The following DLGAP2 variants were observed in gnomAD, a reference collection of about 807,000 sequenced individuals.
DLGAP2 encodes the protein DLG associated protein 2.
In DLGAP2, 26 loss-of-function variants were observed where a neutral mutation model predicts 100.3. The observed-to-expected ratio is 0.26, with a 90% CI of 0.19 to 0.36. The LOEUF (loss-of-function observed/expected upper bound fraction) is 0.36. Among genes scored for constraint, DLGAP2 ranks in the 10% least tolerant of loss-of-function variants. The pLI is 1.00. For missense variants in DLGAP2, 1,858 were observed against 1,453.2 expected, an observed-to-expected ratio of 1.28 and a Z score of -4.53; for synonymous variants, 886 against 630.1, an observed-to-expected ratio of 1.41 and a Z score of -6.08.
chr8:1,421,759 T>C (rs1797092937), intron 3 of DLGAP2, among the ~76,000 whole-genome samples: 1 of 151,990 alleles, frequency 6.6e-6, no homozygotes. Flanking sequence ...AGGTCAGCAG[T>C]TCGAGACCAG....
At position 1,703,778 on chromosome 8, in the gene DLGAP2, TG is replaced by T. The variant is rs984593589; in HGVS notation, c.*2373del. The T allele has an allele frequency of 6.6e-6, 1 of 152,488 alleles. No individual in the cohort carries two copies. Among genetic ancestry groups the T allele is most frequent in the African/African-American group, 2.4e-5 (1 of 41,456 alleles). The allele number at this position is 152,488 out of a possible 1,614,324, so 9.4% of individuals were successfully genotyped here. On this transcript the variant is annotated 3_prime_UTR_variant, in exon 15 of 15. Transcript: ENST00000637795. ...GCATGTAGGTTGATTTCTTATGTTTTGTAGACTCATTGTTATTTTTCAATCC... is the reference window on the plus strand; with the variant it reads ...GCATGTAGGTTGATTTCTTATGTTTTTAGACTCATTGTTATTTTTCAATCC...
intron 4 of DLGAP2, among the ~76,000 whole-genome samples, chr8:1,548,186 G>T (rs1372293155): frequency 8.5e-5 from 13 of 152,082 alleles, no homozygotes; most frequent in Admixed American, 7.2e-4. Context: ...CTGGCCGGGT[G>T]TCCTGGCTCA....
At chr8:960,233 A>ATTTTTTTT (rs1228650565) in intron 2 of DLGAP2, among the ~76,000 whole-genome samples, 32 of 8,290 alleles carry the variant, frequency 3.9e-3, no homozygotes, top group African/African-American at 0.013. Flanking sequence ...TTCCTGAAGT[A>ATTTTTTTT]TATCTTTTTT....
intron 6 of DLGAP2, among the ~76,000 whole-genome samples, chr8:1,616,162 G>C (rs981986251): frequency 6.6e-6 from 1 of 152,066 alleles, no homozygotes; most frequent in East Asian, 1.9e-4. Flanking sequence ...CAGGAAAAAA[G>C]CTTAGTAATT....
At chr8:1,023,857 A>ATATGTGTGTGTGTGTGTGTG (rs772678610) in intron 2 of DLGAP2, among the ~76,000 whole-genome samples, 17 of 128,836 alleles carry the variant, frequency 1.3e-4, no homozygotes, top group Non-Finnish European at 1.8e-4. Context: ...AACTTTATAT[A>ATATGTGTGTGTGTGTGTGTG]TGTGTGTGTG....
intron 2 of DLGAP2, among the ~76,000 whole-genome samples, chr8:922,026 G>A (rs1798726004): frequency 6.6e-6 from 1 of 152,244 alleles, no homozygotes; most frequent in South Asian, 2.1e-4. Context: ...GTGGCATGCT[G>A]GCCCGGGTGT....
At chr8:1,198,043 C>T (rs1208302639) in intron 2 of DLGAP2, among the ~76,000 whole-genome samples, 1 of 152,006 alleles carries the variant, frequency 6.6e-6, no homozygotes, top group Non-Finnish European at 1.5e-5. Context: ...GAGCCATGGC[C>T]GTGGATGAGG....
intron 2 of DLGAP2, among the ~76,000 whole-genome samples, chr8:1,198,084 G>A (rs182883252): frequency 6.6e-6 from 1 of 152,076 alleles, no homozygotes; most frequent in East Asian, 1.9e-4. Context: ...ACTGTTACCT[G>A]TGTGGTTCTG....
At chr8:1,344,114 T>TTCAGGGCCCTGTCGTGGGTCCGTGTAC in intron 3 of DLGAP2, among the ~76,000 whole-genome samples, 1 of 36,938 alleles carries the variant, frequency 2.7e-5, no homozygotes, top group Middle Eastern at 0.016. Context: ...GGTCCATGTA[T>TTCAGGGCCCTGTCGTGGGTCCGTGTAC]TCGGGGCCCT....
At position 1,171,333 on chromosome 8, in the gene DLGAP2, T is replaced by C. The variant is rs189827132; in HGVS notation, c.74-87518T>C. Reference sequence around the variant, plus strand: ...TGGTCAGTTTTGGAATCGGTGTGGTTTGGTGCTGAAAAAAATGTATATTCT... The same window carrying C: ...TGGTCAGTTTTGGAATCGGTGTGGTCTGGTGCTGAAAAAAATGTATATTCT... On this transcript the variant is annotated intron_variant, in intron 2 of 14. Coordinates refer to ENST00000637795, the MANE Select transcript of DLGAP2 (RefSeq NM_001346810.2). Among the ~76,000 whole-genome samples the C allele has an allele frequency of 6.8e-3, 1,037 of 152,256 alleles. 16 individuals are homozygous for C. The highest frequency in any genetic ancestry group is 0.024 in the African/African-American group (980 of 41,548).
intron 1 of DLGAP2, among the ~76,000 whole-genome samples, chr8:899,308 T>C (rs1798206062): frequency 1.3e-5 from 2 of 152,294 alleles, no homozygotes; most frequent in South Asian, 4.1e-4. Context: ...GGCCTTCCCG[T>C]GGTGGCAGAG....
chr8:765,756 C>T (rs907124763), intron 1 of DLGAP2, among the ~76,000 whole-genome samples: 11 of 152,220 alleles, frequency 7.2e-5, no homozygotes, highest in African/African-American at 2.7e-4. Context: ...GTCTTTCCCA[C>T]TGTGGCACAT....
At chr8:1,141,222 G>A (rs1408191791) in intron 2 of DLGAP2, among the ~76,000 whole-genome samples, 2 of 152,126 alleles carry the variant, frequency 1.3e-5, no homozygotes, top group Non-Finnish European at 2.9e-5. Context: ...GACAGGGAGT[G>A]TTCAACTGAG....
chr8:1,623,025 C>G (rs757103499), intron 6 of DLGAP2, among the ~76,000 whole-genome samples: 1 of 152,204 alleles, frequency 6.6e-6, no homozygotes, highest in Non-Finnish European at 1.5e-5. Context: ...TGTGAGGAAC[C>G]TGGCCTTCTG....
chr8:1,158,249 G>A (rs1181956860), intron 2 of DLGAP2, among the ~76,000 whole-genome samples: 2 of 152,144 alleles, frequency 1.3e-5, no homozygotes, highest in Non-Finnish European at 2.9e-5. Flanking sequence ...ATTAAAATGA[G>A]GCAATGTAAA....
Position 740,587 on chromosome 8 carries a change from A to G in DLGAP2, c.18+2762A>G, listed in dbSNP as rs559135050. ...TTAAAAGCAAAAATAGGCTTCGTGG[A>G]ATTTAAATTACATTGGATTCTGTGT... On this transcript the variant is annotated intron_variant, in intron 1 of 14. Coordinates refer to ENST00000637795, the MANE Select transcript of DLGAP2 (RefSeq NM_001346810.2). Among the ~76,000 whole-genome samples the G allele has an allele frequency of 1.7e-3, 259 of 152,316 alleles. 1 individual carries two copies. The highest frequency in any genetic ancestry group is 3.7e-3 in the South Asian group (18 of 4,820).
chr8:1,515,286 G>C (rs1235557883), intron 4 of DLGAP2, among the ~76,000 whole-genome samples: 1 of 152,184 alleles, frequency 6.6e-6, no homozygotes, highest in Non-Finnish European at 1.5e-5. Context: ...ACCTGGGCCA[G>C]AGAAACCATC....
At chr8:877,337 G>T (rs535725495) in intron 1 of DLGAP2, among the ~76,000 whole-genome samples, 6 of 152,148 alleles carry the variant, frequency 3.9e-5, no homozygotes, top group African/African-American at 1.4e-4. Context: ...GGCTGGGTTT[G>T]TTTAGAGGAG....
intron 2 of DLGAP2, among the ~76,000 whole-genome samples, chr8:1,054,605 A>G (rs1198408087): frequency 6.6e-6 from 1 of 152,224 alleles, no homozygotes; most frequent in Non-Finnish European, 1.5e-5. Context: ...ATGCCCAGTA[A>G]TTTATCATCC....
Sources: gnomAD v4.1 joint callset for allele counts (sites outside exome capture counted in the v4.1 genomes callset) on GRCh38, gnomAD v4.1.1 for gene constraint, MANE v1.5 for transcripts, NCBI Gene and HGNC (gene_info 2026-07-23, HGNC 2026-07-21) for gene names.